Variants in EEA1 observed in about 807,000 individuals in gnomAD.
The protein encoded by EEA1 is early endosome antigen 1, 162kD.
Under a neutral mutation model 209.2 loss-of-function variants are expected in EEA1, and 111 were observed. The observed-to-expected ratio is 0.53, with a 90% CI of 0.45 to 0.62. The LOEUF is 0.62. Among genes scored for constraint, EEA1 ranks in the 20% least tolerant of loss-of-function variants. The pLI is 0.00. For missense variants in EEA1, 1,343 were observed against 1,530.8 expected, an observed-to-expected ratio of 0.88 and a Z score of 2.05; for synonymous variants, 536 against 540.6, an observed-to-expected ratio of 0.99 and a Z score of 0.12.
chr12:92,840,350 T>C (rs558937932), intron 10 of EEA1, among the ~76,000 whole-genome samples: 47 of 152,368 alleles, frequency 3.1e-4, no homozygotes. Context: ...TCTCACTCTG[T>C]GGCCCAGGCT....
chr12:92,879,904 G>C (rs572581237), intron 2 of EEA1, among the ~76,000 whole-genome samples: 10 of 152,100 alleles, frequency 6.6e-5, no homozygotes, highest in African/African-American at 2.4e-4. Flanking sequence ...TTATCCCTAC[G>C]TAGTGGGTTT....
rs1881332225 is a variant in EEA1 at position 92,929,154 on chromosome 12, C to T, written c.-88G>A. On this transcript the variant is annotated 5_prime_UTR_variant, in exon 1 of 29. Transcript: ENST00000322349. Reference sequence around the variant, plus strand: ...ACTCGGGGTGCGCGGGCGGGAGGGACTGGGCCGGGAGGGGACCGGGAAGGA... The same window carrying T: ...ACTCGGGGTGCGCGGGCGGGAGGGATTGGGCCGGGAGGGGACCGGGAAGGA... The T allele has an allele frequency of 2.1e-5, 28 of 1,328,188 alleles. No individual in the cohort carries two copies. The highest frequency in any genetic ancestry group is 2.9e-5 in the Non-Finnish European group (28 of 972,324). The allele number at this position is 1,328,188 out of a possible 1,614,324, so 82.3% of individuals were successfully genotyped here. A position where few individuals can be genotyped will look rare whatever the true frequency, so the allele number is the denominator to read the frequency against.
intron 18 of EEA1, among the ~76,000 whole-genome samples, chr12:92,807,239 C>T (rs12302020): frequency 0.097 from 14,312 of 147,910 alleles, 799 homozygotes; most frequent in South Asian, 0.2. Context: ...CAGGCATGAG[C>T]CACAAGGCCG....
At position 92,776,958 on chromosome 12, in the gene EEA1, G is replaced by C. The variant is rs1873683028; in HGVS notation, c.4015-16C>G. 6.2e-7 allele frequency: 1 copy of C among 1,605,206 alleles called. No homozygotes were observed. The highest frequency in any genetic ancestry group is 2.2e-5 in the East Asian group (1 of 44,658). On this transcript the variant is annotated splice_polypyrimidine_tract_variant and intron_variant, in intron 27 of 28. Transcript: ENST00000322349. ...TATGTTTGATCTGTTTTTTAAAGAA[G>C]TATCGATATATTATAGTATTCAACA...
chr12:92,773,959 G>C lies in EEA1; in HGVS notation c.*2052C>G, dbSNP rs1210436164. 6 of 150,382 alleles carry C rather than the reference G, an allele frequency of 4.0e-5. No individual in the cohort carries two copies. The highest frequency in any genetic ancestry group is 7.4e-5 in the Non-Finnish European group (5 of 67,220). 9.3% of individuals were successfully genotyped at this position (150,382 alleles called of 1,614,324 possible). ...TTTTTGTGAGTATTTTGGGGGTAAA[G>C]GGGAGACAGACAGAAGGCCTGGAGT... On this transcript the variant is annotated 3_prime_UTR_variant, in exon 29 of 29. Transcript: ENST00000322349.
intron 9 of EEA1, among the ~76,000 whole-genome samples, chr12:92,845,449 T>C (rs1407657899): frequency 6.6e-6 from 1 of 152,198 alleles, no homozygotes; most frequent in Non-Finnish European, 1.5e-5. Flanking sequence ...CAGATATCAC[T>C]ATGGGTGAAG....
chr12:92,826,506 G>A (rs1012459890), intron 12 of EEA1, among the ~76,000 whole-genome samples: 10 of 151,414 alleles, frequency 6.6e-5, no homozygotes, highest in African/African-American at 1.9e-4. Flanking sequence ...TCAGGAGTTC[G>A]AAACCAGCCT....
chr12:92,777,887 A>C (rs1370277798), intron 26 of EEA1, 54 bp downstream of exon 26: 1 of 1,525,106 alleles, frequency 6.6e-7, no homozygotes, highest in Admixed American at 1.8e-5. Flanking sequence ...GGAATATGAC[A>C]ATCTTTTTAT....
At chr12:92,903,673 AAAAG>A (rs1295430538) in intron 1 of EEA1, among the ~76,000 whole-genome samples, 36 of 152,268 alleles carry the variant, frequency 2.4e-4, no homozygotes, top group Middle Eastern at 6.8e-3. Flanking sequence ...AGAAAAAACA[AAAAG>A]AAAGAAAAGA....
Position 92,832,714 on chromosome 12 carries a change from G to T in EEA1, c.1052C>A (p.Ser351Ter). Residue 351 changes from serine (S) to a stop codon, truncating the protein, a stop_gained, in exon 11 of 29, where the codon TCA (serine) becomes TAA (stop). Coordinates refer to ENST00000322349, the MANE Select transcript of EEA1 (RefSeq NM_003566.4). LOFTEE classifies it high-confidence loss of function. ...QKDLDCQQLQ[S>*]RLSASETSLH... ...TGAGGTTTCAGATGCAGACAATCTT[G>T]ACTGAAGCTGTTGACAATCTAGGTC... The T allele has an allele frequency of 1.2e-6, 2 of 1,613,948 alleles. No individual in the cohort carries two copies. The highest frequency in any genetic ancestry group is 2.2e-5 in the South Asian group (2 of 91,054).
At chr12:92,808,085 C>T (rs1592712780) in intron 18 of EEA1, among the ~76,000 whole-genome samples, 2 of 151,978 alleles carry the variant, frequency 1.3e-5, no homozygotes, top group South Asian at 4.2e-4. Context: ...TTATGCCACA[C>T]CAACTTAGCT....
At chr12:92,896,985 G>A (rs1371784398) in intron 1 of EEA1, among the ~76,000 whole-genome samples, 1 of 151,552 alleles carries the variant, frequency 6.6e-6, no homozygotes, top group Non-Finnish European at 1.5e-5. Flanking sequence ...GACCACTCTG[G>A]GCAACATAAT....
intron 23 of EEA1, 123 bp downstream of exon 23, chr12:92,781,827 G>A: frequency 3.9e-6 from 3 of 772,684 alleles, no homozygotes; most frequent in East Asian, 2.8e-5. Flanking sequence ...GAAACTAGAG[G>A]TCCCTCTGAG....
intron 2 of EEA1, among the ~76,000 whole-genome samples, chr12:92,891,402 T>C (rs747622509): frequency 3.3e-5 from 5 of 152,180 alleles, no homozygotes; most frequent in Non-Finnish European, 7.3e-5. Flanking sequence ...GACATTAGCA[T>C]TAAAGACAAA....
At chr12:92,818,710 C>T (rs1164914695) in intron 14 of EEA1, among the ~76,000 whole-genome samples, 1 of 152,090 alleles carries the variant, frequency 6.6e-6, no homozygotes. Context: ...TCTCTTATTA[C>T]ACAATTCTTC....
chr12:92,780,384 C>T lies in EEA1; in HGVS notation c.3364G>A (p.Glu1122Lys). The T allele has an allele frequency of 6.4e-7, 1 of 1,560,484 alleles. No individual in the cohort carries two copies. Among genetic ancestry groups the T allele is most frequent in the Non-Finnish European group, 8.7e-7 (1 of 1,147,686 alleles). The change falls in exon 24 of 29, where the codon GAG (glutamate) becomes AAG (lysine). Residue 1122 changes from glutamate to lysine, a missense_variant. Glu to Lys is a moderately conservative substitution (Grantham distance 56). Around this residue, in one of 3 missense-constraint regions of EEA1, gnomAD observed 1,307 missense variants for 1,465.5 expected, o/e 0.89. Transcript: ENST00000322349. The stretch of plus-strand genomic sequence containing the variant: ...TCTATCTCTGCCAATTTAGACTTCT[C>T]ATTTACCAGTTCTTTTTCTTTCAGT... ...KSLKEKELVN[E>K]KSKLAEIEEI...
intron 2 of EEA1, among the ~76,000 whole-genome samples, chr12:92,867,570 A>T (rs746645981): frequency 6.6e-6 from 1 of 152,148 alleles, no homozygotes; most frequent in Non-Finnish European, 1.5e-5. Flanking sequence ...ATAAATAAAT[A>T]AAAAAACTGC....
chr12:92,809,241 T>G lies in EEA1; in HGVS notation c.2200-85A>C, dbSNP rs952543668. 1.8e-5 allele frequency: 20 copies of G among 1,086,478 alleles called. No homozygotes were observed. The African/African-American group carries it at 3.3e-4, about 18-fold the overall frequency. 67.3% of individuals were successfully genotyped at this position (1,086,478 alleles called of 1,614,324 possible). A position where few individuals can be genotyped will look rare whatever the true frequency, so the allele number is the denominator to read the frequency against. ...AAATACTATAACATTTTTGTTTATA[T>G]TCAAACAGGTGTGACATACAAAAAA... On this transcript the variant is annotated intron_variant, in intron 17 of 28. Coordinates refer to ENST00000322349, the MANE Select transcript of EEA1 (RefSeq NM_003566.4).
intron 3 of EEA1, chr12:92,859,213 G>A (rs1878022777): frequency 1.2e-6 from 2 of 1,613,232 alleles, no homozygotes; most frequent in Non-Finnish European, 1.7e-6. Context: ...GAGGACTGCA[G>A]CCTATGGCCA....
Sources: allele counts gnomAD v4.1 joint callset (sites outside exome capture counted in the v4.1 genomes callset), GRCh38; gene constraint gnomAD v4.1.1; regional missense constraint gnomAD v4.1.1; transcripts MANE v1.5; gene names NCBI Gene and HGNC (gene_info 2026-07-23, HGNC 2026-07-21).